SPIN1: variants seen among roughly 807,000 people sequenced by gnomAD.
The protein encoded by SPIN1 is spindlin-1.
SPIN1 carries 3 observed loss-of-function variants against 26.0 expected under a neutral mutation model. That is an observed-to-expected ratio of 0.12 (90% confidence interval 0.05 to 0.30). The LOEUF is 0.30. Among genes scored for constraint, SPIN1 ranks in the 10% least tolerant of loss-of-function variants. The pLI, the probability that SPIN1 is intolerant of heterozygous loss-of-function variation, is 1.00. For missense variants in SPIN1, 126 were observed against 333.4 expected (o/e 0.38, Z 4.84); for synonymous variants, 101 against 116.5 (o/e 0.87, Z 0.86).
At chr9:88,467,626 A>AC (rs1828696509) in intron 4 of SPIN1, among the ~76,000 whole-genome samples, 1 of 152,172 alleles carries the variant, frequency 6.6e-6, no homozygotes, top group African/African-American at 2.4e-5. Flanking sequence ...AGAGGCGTGA[A>AC]GGCTTTTAGG....
intron 3 of SPIN1, among the ~76,000 whole-genome samples, chr9:88,460,768 A>G (rs1828563502): frequency 6.6e-6 from 1 of 152,212 alleles, no homozygotes; most frequent in Non-Finnish European, 1.5e-5. Context: ...GGCCACCCAC[A>G]TTGGTGATGG....
At chr9:88,468,313 C>T in intron 4 of SPIN1, 59 bp from the exon 5 acceptor site, 2 of 1,282,488 alleles carry the variant, frequency 1.6e-6, no homozygotes, top group Non-Finnish European at 2.1e-6. Context: ...ATTCAGTCTT[C>T]ATAGTCGGTA....
chr9:88,416,238 G>T (rs1827561700), intron 1 of SPIN1, among the ~76,000 whole-genome samples: 1 of 152,068 alleles, frequency 6.6e-6, no homozygotes, highest in African/African-American at 2.4e-5. Flanking sequence ...CTACATTCAG[G>T]AATTGCAGAT....
chr9:88,434,419 T>TTATAAAA (rs1827956721), intron 2 of SPIN1, among the ~76,000 whole-genome samples: 1 of 120,412 alleles, frequency 8.3e-6, no homozygotes, highest in Non-Finnish European at 1.6e-5. Context: ...ATTTTATAAA[T>TTATAAAA]TAGTTTATTT....
At chr9:88,453,580 A>G (rs1828405883) in intron 3 of SPIN1, among the ~76,000 whole-genome samples, 1 of 151,448 alleles carries the variant, frequency 6.6e-6, no homozygotes, top group African/African-American at 2.4e-5. Context: ...CTTGTTGCCC[A>G]GACTGGAGTG....
chr9:88,430,287 G>A (rs886551693), intron 2 of SPIN1, among the ~76,000 whole-genome samples: 3 of 152,146 alleles, frequency 2.0e-5, no homozygotes, highest in South Asian at 2.1e-4. Flanking sequence ...TTAGCCACCC[G>A]GCCTCCTGGG....
At chr9:88,426,189 GTCTATCA>G (rs1827762462) in intron 1 of SPIN1, among the ~76,000 whole-genome samples, 186 bp from the exon 2 acceptor site, 1 of 152,158 alleles carries the variant, frequency 6.6e-6, no homozygotes, top group South Asian at 2.1e-4. Flanking sequence ...TTTTTAAAGA[GTCTATCA>G]CCTCTTTTTC....
rs1029643695 is a variant in SPIN1 at position 88,477,245 on chromosome 9, G to A, written c.*1968G>A. 6.6e-6 allele frequency: 1 copy of A among 152,148 alleles called. No homozygotes were observed. The highest frequency in any genetic ancestry group is 2.4e-5 in the African/African-American group (1 of 41,434). 9.4% of individuals were successfully genotyped at this position (152,148 alleles called of 1,614,324 possible). On this transcript the variant is annotated 3_prime_UTR_variant, in exon 6 of 6. Transcript: ENST00000375859. ...CCAGAGTCCAGACTGACATTACAGCGCAAGAGTTTGCAAGTGTGTCCAGCA... is the reference window on the plus strand; with the variant it reads ...CCAGAGTCCAGACTGACATTACAGCACAAGAGTTTGCAAGTGTGTCCAGCA...
At chr9:88,455,489 A>C (rs562641373) in intron 3 of SPIN1, among the ~76,000 whole-genome samples, 1 of 152,220 alleles carries the variant, frequency 6.6e-6, no homozygotes, top group South Asian at 2.1e-4. Flanking sequence ...GTGGCTGCAA[A>C]AGTGAAATAC....
At chr9:88,458,355 G>A (rs1156870704) in intron 3 of SPIN1, among the ~76,000 whole-genome samples, 2 of 151,900 alleles carry the variant, frequency 1.3e-5, no homozygotes, top group East Asian at 3.9e-4. Context: ...TCAAAAGGGA[G>A]GAATATGCAT....
In SPIN1 at chr9:88,470,431, A is replaced by G. The variant is rs138413116; in HGVS notation, c.589+1826A>G. ...ACGGAAATACCACTTTACATTTCCAACAGCAGTGTATGAGACTTCTGATTT... is the reference window on the plus strand; with the variant it reads ...ACGGAAATACCACTTTACATTTCCAGCAGCAGTGTATGAGACTTCTGATTT... On this transcript the variant is annotated intron_variant, in intron 5 of 5. Transcript: ENST00000375859. 7.9e-3 allele frequency among the ~76,000 whole-genome samples: 1,201 copies of G among 152,308 alleles called. 5 individuals carry two copies. The highest frequency in any genetic ancestry group is 0.014 in the Non-Finnish European group (936 of 68,028).
At chr9:88,453,779 G>T (rs1941510077) in intron 3 of SPIN1, among the ~76,000 whole-genome samples, 1 of 152,178 alleles carries the variant, frequency 6.6e-6, no homozygotes, top group Non-Finnish European at 1.5e-5. Flanking sequence ...ATCCGCCTTG[G>T]CCTCTCAAAG....
At chr9:88,434,231 G>T (rs984198003) in intron 2 of SPIN1, among the ~76,000 whole-genome samples, 3 of 151,630 alleles carry the variant, frequency 2.0e-5, no homozygotes, top group Non-Finnish European at 4.4e-5. Flanking sequence ...AGACAGTTTT[G>T]GTTGTATTTT....
intron 2 of SPIN1, among the ~76,000 whole-genome samples, chr9:88,431,999 C>G (rs373011420): frequency 5.9e-5 from 9 of 152,264 alleles, no homozygotes; most frequent in African/African-American, 2.2e-4. Context: ...GATTGTGTCA[C>G]TGCATTCCTG....
intron 1 of SPIN1, among the ~76,000 whole-genome samples, chr9:88,390,503 T>C (rs1407137056): frequency 6.6e-6 from 1 of 152,246 alleles, no homozygotes; most frequent in Non-Finnish European, 1.5e-5. Context: ...CCTTCATTGC[T>C]AGCATCTTTT....
At chr9:88,426,760 G>A (rs992635884) in intron 2 of SPIN1, among the ~76,000 whole-genome samples, 169 bp downstream of exon 2, 1 of 152,134 alleles carries the variant, frequency 6.6e-6, no homozygotes, top group Non-Finnish European at 1.5e-5. Context: ...TTCTTGAAAG[G>A]GAAGTAGTCA....
At chr9:88,429,666 C>T (rs1827827638) in intron 2 of SPIN1, among the ~76,000 whole-genome samples, 1 of 152,188 alleles carries the variant, frequency 6.6e-6, no homozygotes, top group Non-Finnish European at 1.5e-5. Flanking sequence ...TCTGGAAGCT[C>T]TTCTAAACTC....
At chr9:88,403,600 A>C (rs1827233291) in intron 1 of SPIN1, among the ~76,000 whole-genome samples, 1 of 152,134 alleles carries the variant, frequency 6.6e-6, no homozygotes, top group Admixed American at 6.6e-5. Context: ...AGTCCCAGCT[A>C]CTCGGGAGGG....
chr9:88,411,489 A>G, intron 1 of SPIN1: 1 of 913,376 alleles, frequency 1.1e-6, no homozygotes. Context: ...AGAGACTTTA[A>G]TGATGCTTCA....
Sources: gnomAD v4.1 joint callset for allele counts (sites outside exome capture counted in the v4.1 genomes callset) on GRCh38, gnomAD v4.1.1 for gene constraint, MANE v1.5 for transcripts, NCBI Gene and HGNC (gene_info 2026-07-23, HGNC 2026-07-21) for gene names.